Variants in MEGF10 observed in about 807,000 individuals in gnomAD.
MEGF10 encodes the protein multiple epidermal growth factor-like domains protein 10.
In MEGF10, 86 loss-of-function variants were observed where a neutral mutation model predicts 147.5. That is an observed-to-expected ratio of 0.58 (90% confidence interval 0.49 to 0.70). The LOEUF is 0.70. MEGF10 is among the 30% of genes least tolerant of loss of function. MEGF10 has a pLI of 0.00. For missense variants in MEGF10, 1,329 were observed against 1,487.3 expected (o/e 0.89, Z 1.75); for synonymous variants, 478 against 525.5 (o/e 0.91, Z 1.24).
Position 127,354,712 on chromosome 5 carries a change from A to G in MEGF10, c.319+14082A>G, listed in dbSNP as rs559479560. On this transcript the variant is annotated intron_variant, in intron 4 of 24. Transcript: ENST00000503335. The stretch of plus-strand genomic sequence containing the variant: ...GGCTCCTGTTATACCTACCTCTGTC[A>G]TTTAAGTGAGAAGTTATATTTACTG... 3.3e-4 allele frequency among the ~76,000 whole-genome samples: 50 copies of G among 152,312 alleles called. No homozygotes were observed. The South Asian group carries it at 6.4e-3, about 20-fold the overall frequency.
At chr5:127,451,713 G>A (rs1039270732) in intron 22 of MEGF10, among the ~76,000 whole-genome samples, 1 of 152,196 alleles carries the variant, frequency 6.6e-6, no homozygotes, top group African/African-American at 2.4e-5. Context: ...TGAGACCCAA[G>A]GGACTGAGTG....
the MEGF10 span, among the ~76,000 whole-genome samples, chr5:127,239,180 A>G: frequency 6.6e-6 from 1 of 152,098 alleles, no homozygotes; most frequent in African/African-American, 2.4e-5. Context: ...CTAAAGAGAC[A>G]GGATAACAAA....
At position 127,310,240 on chromosome 5, in the gene MEGF10, A is replaced by G. The variant is rs187726493; in HGVS notation, c.-19+19184A>G. Among the ~76,000 whole-genome samples the G allele has an allele frequency of 4.4e-3, 669 of 151,302 alleles. 1 individual carries two copies. The highest frequency in any genetic ancestry group is 0.015 in the African/African-American group (637 of 41,238). ...CTTTTAAAAAATGTCTATGCAAGTT[A>G]TTTGCCCATATTTTAATTAGGTTGT... On this transcript the variant is annotated intron_variant, in intron 1 of 24. Transcript: ENST00000503335.
chr5:127,343,052 T>C (rs1761744182), intron 4 of MEGF10, among the ~76,000 whole-genome samples: 1 of 152,040 alleles, frequency 6.6e-6, no homozygotes, highest in Non-Finnish European at 1.5e-5. Context: ...CTCTTCACAG[T>C]TGGCACAAGT....
At chr5:127,443,267 TGCC>T in intron 19 of MEGF10, 141 bp downstream of exon 19, 1 of 906,464 alleles carries the variant, frequency 1.1e-6, no homozygotes, top group South Asian at 2.8e-5. Flanking sequence ...CTTATTTAAT[TGCC>T]AGATGAATGC....
At chr5:127,238,175 C>T in the MEGF10 span, among the ~76,000 whole-genome samples, 1 of 151,754 alleles carries the variant, frequency 6.6e-6, no homozygotes, top group Non-Finnish European at 1.5e-5. Context: ...CCTGCCTCAG[C>T]CTCCCAAGTA....
intron 1 of MEGF10, among the ~76,000 whole-genome samples, chr5:127,297,533 C>T (rs1461371171): frequency 6.6e-6 from 1 of 151,928 alleles, no homozygotes; most frequent in Non-Finnish European, 1.5e-5. Flanking sequence ...CTGGAGGCTT[C>T]CTGGCAGTGT....
At chr5:127,407,016 G>T (rs1415240653) in intron 8 of MEGF10, among the ~76,000 whole-genome samples, 1 of 152,132 alleles carries the variant, frequency 6.6e-6, no homozygotes, top group Non-Finnish European at 1.5e-5. Context: ...AAACAGCTCT[G>T]CCAAGTCTGT....
chr5:127,452,441 T>C (rs891589230), intron 22 of MEGF10, among the ~76,000 whole-genome samples: 39 of 152,294 alleles, frequency 2.6e-4, no homozygotes, highest in African/African-American at 9.1e-4. Context: ...AGTCTGGGAA[T>C]TCCCAAGACC....
At chr5:127,239,484 TAC>T in the MEGF10 span, among the ~76,000 whole-genome samples, 60 of 144,998 alleles carry the variant, frequency 4.1e-4, no homozygotes, top group South Asian at 6.5e-4. Context: ...ATAATATATA[TAC>T]ACACACACAC....
the MEGF10 span, among the ~76,000 whole-genome samples, chr5:127,273,098 A>T: frequency 6.6e-6 from 1 of 152,124 alleles, no homozygotes; most frequent in Non-Finnish European, 1.5e-5. Flanking sequence ...GAGTATGTAA[A>T]GCTCCCAGGT....
intron 9 of MEGF10, among the ~76,000 whole-genome samples, chr5:127,414,792 C>A (rs544830864): frequency 6.6e-6 from 1 of 152,192 alleles, no homozygotes; most frequent in South Asian, 2.1e-4. Context: ...TAATTCTGGC[C>A]CTCCTGGAAC....
At chr5:127,412,866 C>G (rs1041035218) in intron 9 of MEGF10, among the ~76,000 whole-genome samples, 8 of 152,200 alleles carry the variant, frequency 5.3e-5, no homozygotes, top group Non-Finnish European at 1.2e-4. Context: ...GATATCCTCA[C>G]TCACATGTCT....
In MEGF10 at chr5:127,331,364, G is replaced by T; in HGVS notation, c.56G>T (p.Trp19Leu). The T allele has an allele frequency of 6.2e-7, 1 of 1,613,412 alleles. No individual in the cohort carries two copies. Among genetic ancestry groups the T allele is most frequent in the East Asian group, 2.2e-5 (1 of 44,860 alleles). ...LSFICLLLCH[W>L]IGTASPLNLE... ...TTTATTTGTTTATTGTTATGCCACT[G>T]GATTGGGACAGCATCACCTCTGAAT... Residue 19 changes from tryptophan (W) to leucine (L), a missense_variant, in exon 2 of 25, where the codon TGG becomes TTG. Physicochemically the swap from Trp to Leu is moderately conservative, Grantham distance 61. This residue lies in a region of MEGF10 where 980 missense variants were observed against 1,085.9 expected (regional missense o/e 0.90). Coordinates refer to ENST00000503335, the MANE Select transcript of MEGF10 (RefSeq NM_001256545.2).
chr5:127,394,789 G>A (rs567211856), intron 5 of MEGF10, among the ~76,000 whole-genome samples: 1 of 152,236 alleles, frequency 6.6e-6, no homozygotes, highest in South Asian at 2.1e-4. Flanking sequence ...TGAGTTCTTA[G>A]GTAATTGCTT....
chr5:127,264,215 C>T, the MEGF10 span, among the ~76,000 whole-genome samples: 1 of 152,090 alleles, frequency 6.6e-6, no homozygotes, highest in Admixed American at 6.6e-5. Flanking sequence ...CAATATAACT[C>T]TCAAATTCAA....
intron 2 of MEGF10, among the ~76,000 whole-genome samples, chr5:127,336,955 C>T (rs1761494737): frequency 6.6e-6 from 1 of 152,072 alleles, no homozygotes; most frequent in Non-Finnish European, 1.5e-5. Context: ...AGATATAATG[C>T]TGTAGGCCTT....
At chr5:127,419,015 G>C in intron 10 of MEGF10, 105 bp from the exon 11 acceptor site, 1 of 1,331,340 alleles carries the variant, frequency 7.5e-7, no homozygotes, top group Non-Finnish European at 1.0e-6. Flanking sequence ...GTTAAAATTA[G>C]AGAGGAAGTA....
chr5:127,294,897 A>G (rs927665695), intron 1 of MEGF10, among the ~76,000 whole-genome samples: 14 of 151,820 alleles, frequency 9.2e-5, no homozygotes, highest in African/African-American at 1.7e-4. Context: ...TGAAACACCA[A>G]ATGCCACTGA....
Sources: allele counts gnomAD v4.1 joint callset (sites outside exome capture counted in the v4.1 genomes callset), GRCh38; gene constraint gnomAD v4.1.1; regional missense constraint gnomAD v4.1.1; transcripts MANE v1.5; gene names NCBI Gene and HGNC (gene_info 2026-07-23, HGNC 2026-07-21).